Variants in HCN1 observed in about 807,000 individuals in gnomAD.
HCN1 encodes the protein hyperpolarization activated cyclic nucleotide gated potassium channel 1.
In HCN1, 13 loss-of-function variants were observed where a neutral mutation model predicts 78.9. The ratio of observed to expected loss-of-function variants is 0.16; its 90% CI spans 0.11 to 0.26. The LOEUF is 0.26. Among genes scored for constraint, HCN1 ranks in the 10% least tolerant of loss-of-function variants. The pLI is 1.00. For synonymous variants in HCN1, 552 were observed against 455.5 expected (o/e 1.21, Z -2.70); for missense variants, 810 against 1,154.3 (o/e 0.70, Z 4.32).
intron 5 of HCN1, among the ~76,000 whole-genome samples, chr5:45,314,358 A>G (rs569055128): frequency 6.6e-6 from 1 of 152,322 alleles, no homozygotes; most frequent in East Asian, 1.9e-4. Flanking sequence ...AGATCCTGAA[A>G]GAAGCACTAA....
chr5:45,502,196 C>T (rs920267610), intron 2 of HCN1, among the ~76,000 whole-genome samples: 2 of 151,614 alleles, frequency 1.3e-5, no homozygotes, highest in Non-Finnish European at 1.5e-5. Flanking sequence ...AGCCGGGTGT[C>T]GTGGCTCACA....
chr5:45,524,659 G>T (rs1347937272), intron 2 of HCN1, among the ~76,000 whole-genome samples: 2 of 151,900 alleles, frequency 1.3e-5, no homozygotes, highest in African/African-American at 2.4e-5. Context: ...CTCTCTGTTT[G>T]TCTGTTATTG....
At chr5:45,614,538 G>A (rs1354484376) in intron 2 of HCN1, among the ~76,000 whole-genome samples, 1 of 152,064 alleles carries the variant, frequency 6.6e-6, no homozygotes. Context: ...AATGGTTGTG[G>A]TTTAAAGTTA....
chr5:45,284,763 C>CAGA (rs1561088310), intron 6 of HCN1, among the ~76,000 whole-genome samples: 1 of 152,068 alleles, frequency 6.6e-6, no homozygotes, highest in East Asian at 1.9e-4. Context: ...TTTCTCTTTA[C>CAGA]AGAAGAAGAG....
chr5:45,314,948 C>A (rs1374203124), intron 5 of HCN1, among the ~76,000 whole-genome samples: 4 of 152,098 alleles, frequency 2.6e-5, no homozygotes, highest in East Asian at 1.9e-4. Flanking sequence ...GACCTAGACT[C>A]CCAAACAATA....
At chr5:45,647,021 T>C (rs1255118179) in intron 1 of HCN1, among the ~76,000 whole-genome samples, 1 of 152,196 alleles carries the variant, frequency 6.6e-6, no homozygotes, top group African/African-American at 2.4e-5. Flanking sequence ...TCAAAGTTAC[T>C]ATCATCTGTA....
In HCN1 at chr5:45,363,197, A is replaced by G. The variant is rs1271425834; in HGVS notation, c.1231-9951T>C. ...GAATAGTACTGAACACCAGTGGTTA[A>G]CACTATTGATGTCCCATACAACGCG... On this transcript the variant is annotated intron_variant, in intron 4 of 7. Transcript: ENST00000303230. 3.4e-5 allele frequency among the ~76,000 whole-genome samples: 5 copies of G among 147,574 alleles called. No individual in the cohort carries two copies. The Admixed American group carries it at 3.4e-4, about 10-fold the overall frequency.
At chr5:45,613,411 G>A (rs977049674) in intron 2 of HCN1, among the ~76,000 whole-genome samples, 7 of 151,974 alleles carry the variant, frequency 4.6e-5, no homozygotes, top group Non-Finnish European at 1.0e-4. Context: ...AAACCACAAT[G>A]AGATACCATC....
intron 6 of HCN1, among the ~76,000 whole-genome samples, chr5:45,270,027 A>G (rs1174159295): frequency 6.6e-6 from 1 of 152,230 alleles, no homozygotes; most frequent in Non-Finnish European, 1.5e-5. Flanking sequence ...ATTATATTAC[A>G]AAACAAAATT....
intron 1 of HCN1, among the ~76,000 whole-genome samples, chr5:45,651,685 T>G (rs1450909396): frequency 6.6e-6 from 1 of 151,886 alleles, no homozygotes; most frequent in Non-Finnish European, 1.5e-5. Context: ...CTCTTCCCAA[T>G]CCTCTTAATA....
chr5:45,316,478 G>A (rs1158964699), intron 5 of HCN1, among the ~76,000 whole-genome samples: 10 of 152,096 alleles, frequency 6.6e-5, no homozygotes, highest in Admixed American at 6.6e-4. Context: ...GCAAAAACTG[G>A]AAGCATTCCC....
chr5:45,414,496 G>T (rs1260667841), intron 3 of HCN1, among the ~76,000 whole-genome samples: 3 of 151,972 alleles, frequency 2.0e-5, no homozygotes, highest in Non-Finnish European at 4.4e-5. Context: ...GTATGCTGCT[G>T]ATAAAACATG....
chr5:45,486,048 G>T (rs1741756835), intron 2 of HCN1, among the ~76,000 whole-genome samples: 1 of 152,084 alleles, frequency 6.6e-6, no homozygotes, highest in Admixed American at 6.6e-5. Flanking sequence ...TGAGTAAATT[G>T]CTCAGGACCT....
At chr5:45,272,822 T>C (rs984866938) in intron 6 of HCN1, among the ~76,000 whole-genome samples, 4 of 152,082 alleles carry the variant, frequency 2.6e-5, no homozygotes, top group African/African-American at 9.7e-5. Context: ...GATATGCATG[T>C]TGATTTCATA....
rs142109463 is a variant in HCN1 at position 45,681,190 on chromosome 5, C to G, written c.425+14479G>C. Among the ~76,000 whole-genome samples, 142 of 152,252 alleles carry G rather than the reference C, an allele frequency of 9.3e-4. No homozygotes were observed. The East Asian group carries it at 0.025, about 26-fold the overall frequency. ...CAGCTTTGTCAGACACCCTTGCTTA[C>G]CACTGCTTCCTTCCTCCAACACATA... is the stretch of plus-strand genomic sequence containing the variant. On this transcript the variant is annotated intron_variant, in intron 1 of 7. Transcript: ENST00000303230.
chr5:45,393,391 T>C (rs565755804), intron 4 of HCN1, among the ~76,000 whole-genome samples: 65 of 152,232 alleles, frequency 4.3e-4, no homozygotes, highest in African/African-American at 1.5e-3. Context: ...AACTAAGATG[T>C]AGTAGTATAA....
intron 2 of HCN1, among the ~76,000 whole-genome samples, chr5:45,580,654 T>C (rs977203120): frequency 5.9e-5 from 9 of 152,022 alleles, no homozygotes. Flanking sequence ...CGTCATTTAA[T>C]ATTAGGTATA....
At chr5:45,374,952 A>AGGATG (rs1747572262) in intron 4 of HCN1, among the ~76,000 whole-genome samples, 1 of 143,280 alleles carries the variant, frequency 7.0e-6, no homozygotes, top group Non-Finnish European at 1.5e-5. Context: ...ACTATACTAT[A>AGGATG]GTTTGTCGAC....
intron 3 of HCN1, among the ~76,000 whole-genome samples, chr5:45,431,747 T>C (rs1034649069): frequency 4.6e-5 from 7 of 152,126 alleles, no homozygotes; most frequent in African/African-American, 1.4e-4. Context: ...TGATTATAGG[T>C]GTGTAGCATT....
Sources: gnomAD v4.1 joint callset for allele counts (sites outside exome capture counted in the v4.1 genomes callset) on GRCh38, gnomAD v4.1.1 for gene constraint, MANE v1.5 for transcripts, NCBI Gene and HGNC (gene_info 2026-07-23, HGNC 2026-07-21) for gene names.